The following HNRNPH1 variants were observed in gnomAD, a reference collection of about 807,000 sequenced individuals.
The protein encoded by HNRNPH1 is heterogeneous nuclear ribonucleoprotein H.
Under a neutral mutation model 58.6 loss-of-function variants are expected in HNRNPH1, and 4 were observed. The ratio of observed to expected loss-of-function variants is 0.07; its 90% CI spans 0.03 to 0.16. HNRNPH1 has a LOEUF of 0.16. Ranked by LOEUF, HNRNPH1 falls within the 10% of genes least tolerant of loss-of-function variation. HNRNPH1 has a pLI of 1.00. For synonymous variants in HNRNPH1, 192 were observed against 189.2 expected (o/e 1.01, Z -0.12); for missense variants, 271 against 564.2 (o/e 0.48, Z 5.26).
exon 9 of HNRNPH1, chr5:179,617,068 G>C: frequency 1.2e-6 from 2 of 1,614,104 alleles, no homozygotes; most frequent in East Asian, 2.2e-5. Flanking sequence ...ACCACCGCTT[G>C]CTCCTGCTGT....
exon 13 of HNRNPH1, chr5:179,614,241 A>G (rs1768341937): frequency 6.6e-6 from 1 of 152,498 alleles, no homozygotes; most frequent in Admixed American, 6.5e-5. Flanking sequence ...CTAAAAGGAA[A>G]TCACAATACA....
chr5:179,620,709 GT>G (rs1373327687), intron 3 of HNRNPH1, 182 bp downstream of exon 4: 1 of 583,298 alleles, frequency 1.7e-6, no homozygotes, highest in Non-Finnish European at 3.1e-6. Context: ...CATTTTGGAA[GT>G]ACTTCATTTC....
Position 179,616,112 on chromosome 5 carries a change from C to CA in HNRNPH1, c.1300+13dup. On this transcript the variant is annotated intron_variant, in intron 11 of 12. Coordinates refer to ENST00000356731, the Ensembl canonical transcript of HNRNPH1. Reference sequence around the variant, plus strand: ...CCATAACTTACTCTAAGTACAGTAACAAACAGGCTTTACCGTATCCACTCA... The same window carrying CA: ...CCATAACTTACTCTAAGTACAGTAACAAAACAGGCTTTACCGTATCCACTCA... The CA allele has an allele frequency of 2.5e-6, 4 of 1,600,108 alleles. No individual in the cohort carries two copies.
upstream of HNRNPH1, among the ~76,000 whole-genome samples, chr5:179,625,932 A>ATTATTTATTTAT (rs71591435): frequency 3.8e-3 from 553 of 144,240 alleles, 3 homozygotes; most frequent in East Asian, 7.7e-3. Context: ...CCTTGCTCAG[A>ATTATTTATTTAT]TTATTTATTT....
chr5:179,628,445 C>A (rs1020980011), upstream of HNRNPH1, among the ~76,000 whole-genome samples: 33 of 152,104 alleles, frequency 2.2e-4, no homozygotes, highest in African/African-American at 8.0e-4. Context: ...CCTCCACCTC[C>A]CAGATTCAAG....
At chr5:179,614,784 GAAAA>G (rs35827689) in exon 13 of HNRNPH1, 24,180 of 441,310 alleles carry the variant, frequency 0.055, 87 homozygotes, top group Middle Eastern at 0.074. Context: ...TTTTCTTAAA[GAAAA>G]AAAAAAAAAA....
chr5:179,621,371 C>T (rs1489493351), exon 2 of HNRNPH1: 3 of 1,613,590 alleles, frequency 1.9e-6, no homozygotes, highest in Non-Finnish European at 8.5e-7. Flanking sequence ...AAACGAATAC[C>T]TTGAGCCCCA....
intron 12 of HNRNPH1, 175 bp downstream of exon 13, chr5:179,615,371 T>TC (rs1769022225): frequency 2.0e-6 from 1 of 505,662 alleles, no homozygotes; most frequent in African/African-American, 2.0e-5. Context: ...CTCTTGCTTT[T>TC]CCTATTCATG....
chr5:179,632,776 A>ATTTTTT (rs1774954523), intron 2 of HNRNPH1, among the ~76,000 whole-genome samples: 1 of 15,236 alleles, frequency 6.6e-5, no homozygotes, highest in African/African-American at 1.9e-4. Context: ...TTTTTTTTTG[A>ATTTTTT]GACGGAGTCT....
exon 10 of HNRNPH1, chr5:179,616,948 A>G (rs937824730): frequency 1.9e-6 from 3 of 1,606,662 alleles, no homozygotes; most frequent in Non-Finnish European, 2.6e-6. Flanking sequence ...AGAGTTCTAC[A>G]TATCTGTGTT....
chr5:179,615,437 T>C, intron 12 of HNRNPH1, 109 bp downstream of exon 13: 2 of 587,046 alleles, frequency 3.4e-6, no homozygotes. Context: ...TGTGCCCAAA[T>C]GGCAGCCTCC....
At chr5:179,618,489 C>T (rs1016149825) in intron 4 of HNRNPH1, 166 bp from the exon 6 acceptor site, 38 of 486,668 alleles carry the variant, frequency 7.8e-5, no homozygotes, top group East Asian at 2.6e-4. Flanking sequence ...CAGAAATTCA[C>T]TCAATAAATA....
At chr5:179,615,918 T>C (rs1000751160) in intron 11 of HNRNPH1, 19 of 531,444 alleles carry the variant, frequency 3.6e-5, no homozygotes, top group Non-Finnish European at 5.7e-5. Flanking sequence ...TTCTGAAAAT[T>C]AGCTAGTAAA....
intron 1 of HNRNPH1, chr5:179,621,651 C>A: frequency 2.0e-6 from 1 of 509,474 alleles, no homozygotes. Context: ...TCTCTTTAGT[C>A]CTTGCTACTC....
At chr5:179,617,457 T>C (rs762563326) in intron 8 of HNRNPH1, 57 bp downstream of exon 9, 18 of 1,560,960 alleles carry the variant, frequency 1.2e-5, no homozygotes, top group Non-Finnish European at 1.5e-5. Context: ...TTCTCTATTG[T>C]AAATGTTAGT....
At chr5:179,625,474 A>G (rs545730304), upstream of HNRNPH1, among the ~76,000 whole-genome samples, 217 of 149,258 alleles carry the variant, frequency 1.5e-3, no homozygotes, top group African/African-American at 5.0e-3. Flanking sequence ...CCTGGGCTAC[A>G]AAGACTCCCT....
upstream of HNRNPH1, among the ~76,000 whole-genome samples, chr5:179,625,963 A>ATTTTTTT (rs1478641132): frequency 6.6e-6 from 1 of 150,930 alleles, no homozygotes; most frequent in African/African-American, 2.4e-5. Flanking sequence ...TTATTTATTT[A>ATTTTTTT]TTTTTTGTAG....
chr5:179,617,204 A>C, intron 8 of HNRNPH1, 94 bp from the exon 10 acceptor site: 1 of 1,208,724 alleles, frequency 8.3e-7, no homozygotes, highest in Non-Finnish European at 1.2e-6. Context: ...AGATCTGTGA[A>C]CTTCAAATAC....
exon 1 of HNRNPH1, chr5:179,624,017 C>G (rs1300166167): frequency 6.5e-6 from 1 of 153,564 alleles, no homozygotes; most frequent in East Asian, 1.9e-4. Context: ...CGCCTGTTCC[C>G]TATGGGACTG....
Sources: allele counts gnomAD v4.1 joint callset (sites outside exome capture counted in the v4.1 genomes callset), GRCh38; gene constraint gnomAD v4.1.1; transcripts MANE v1.5; gene names NCBI Gene and HGNC (gene_info 2026-07-23, HGNC 2026-07-21).